Variants in FLT1 observed in about 807,000 individuals in gnomAD.
The protein encoded by FLT1 is fms related receptor tyrosine kinase 1.
Under a neutral mutation model 156.3 loss-of-function variants are expected in FLT1, and 49 were observed. That is an observed-to-expected ratio of 0.31 (90% CI 0.25 to 0.40). The LOEUF is 0.40. Among genes scored for constraint, FLT1 ranks in the 10% least tolerant of loss-of-function variants. FLT1 has a pLI of 1.00. For synonymous variants in FLT1, 594 were observed against 583.8 expected (o/e 1.02, Z -0.25); for missense variants, 1,322 against 1,637.2 (o/e 0.81, Z 3.32).
intron 1 of FLT1, among the ~76,000 whole-genome samples, chr13:28,470,892 T>C (rs1449754744): frequency 6.6e-6 from 1 of 152,168 alleles, no homozygotes; most frequent in African/African-American, 2.4e-5. Flanking sequence ...GGTTTTGCCA[T>C]GTTGGCCAGG....
At chr13:28,384,165 G>A (rs565352684) in intron 14 of FLT1, among the ~76,000 whole-genome samples, 1 of 152,276 alleles carries the variant, frequency 6.6e-6, no homozygotes, top group East Asian at 1.9e-4. Flanking sequence ...CAGACGCAGT[G>A]GCATGCGCCT....
chr13:28,472,317 A>G (rs1396030183), intron 1 of FLT1, among the ~76,000 whole-genome samples: 3 of 152,246 alleles, frequency 2.0e-5, no homozygotes, highest in African/African-American at 7.2e-5. Flanking sequence ...AACTAAATCC[A>G]AAGCCCAGAT....
At chr13:28,398,429 T>TA (rs1875197018) in intron 11 of FLT1, among the ~76,000 whole-genome samples, 1 of 152,226 alleles carries the variant, frequency 6.6e-6, no homozygotes, top group Non-Finnish European at 1.5e-5. Context: ...CTTGAGTTTC[T>TA]AAGTAATGTG....
At chr13:28,366,935 T>C (rs1394773507) in intron 14 of FLT1, among the ~76,000 whole-genome samples, 1 of 152,212 alleles carries the variant, frequency 6.6e-6, no homozygotes, top group East Asian at 1.9e-4. Flanking sequence ...TTATTCATTC[T>C]TGAGTCCCCA....
chr13:28,387,313 C>A, intron 13 of FLT1: 1 of 1,045,260 alleles, frequency 9.6e-7, no homozygotes, highest in East Asian at 5.6e-5. Flanking sequence ...TTCTAAATGA[C>A]CAATCAACCC....
chr13:28,323,017 C>A, intron 20 of FLT1, 71 bp from the exon 21 acceptor site: 1 of 1,494,540 alleles, frequency 6.7e-7, no homozygotes, highest in Non-Finnish European at 9.3e-7. Flanking sequence ...AGTCCCTCAA[C>A]TGGCAATCGC....
chr13:28,398,752 G>T (rs1875226843), intron 11 of FLT1, among the ~76,000 whole-genome samples: 1 of 152,188 alleles, frequency 6.6e-6, no homozygotes, highest in African/African-American at 2.4e-5. Context: ...GATTATCAAG[G>T]CATTGCCCAG....
At chr13:28,477,904 C>T (rs934012372) in intron 1 of FLT1, among the ~76,000 whole-genome samples, 12 of 152,192 alleles carry the variant, frequency 7.9e-5, no homozygotes, top group African/African-American at 2.7e-4. Flanking sequence ...AGAGACATGA[C>T]AACTGATTGC....
chr13:28,381,925 A>G (rs1343180167), intron 14 of FLT1, among the ~76,000 whole-genome samples: 2 of 152,216 alleles, frequency 1.3e-5, no homozygotes, highest in Non-Finnish European at 2.9e-5. Flanking sequence ...CATTCATGGA[A>G]CATTTATTTA....
At chr13:28,464,444 C>T (rs1425957500) in intron 3 of FLT1, among the ~76,000 whole-genome samples, 5 of 152,224 alleles carry the variant, frequency 3.3e-5, no homozygotes, top group African/African-American at 1.2e-4. Flanking sequence ...TCCCACTAAG[C>T]CTGGAATTTA....
intron 1 of FLT1, among the ~76,000 whole-genome samples, chr13:28,468,294 C>T (rs1201573278): frequency 6.6e-6 from 1 of 152,128 alleles, no homozygotes; most frequent in Non-Finnish European, 1.5e-5. Context: ...CACACGCTTA[C>T]GTGACATTCG....
chr13:28,409,475 C>T (rs1876012811), intron 10 of FLT1, among the ~76,000 whole-genome samples: 1 of 151,872 alleles, frequency 6.6e-6, no homozygotes, highest in Admixed American at 6.6e-5. Context: ...GCTGGGACTA[C>T]ATGTGTGTGC....
Position 28,308,909 on chromosome 13 carries a change from C to A in FLT1, c.3654G>T (p.Lys1218Asn). Residue 1218 changes from lysine to asparagine, a missense_variant, in exon 28 of 30, where the codon AAG becomes AAT. Lys to Asn is a moderately conservative substitution (Grantham distance 94, BLOSUM62 0). This residue lies in a region of FLT1 where 329 missense variants were observed against 366.2 expected (regional missense o/e 0.90). Coordinates refer to ENST00000282397, the MANE Select transcript of FLT1 (RefSeq NM_002019.4). ...SDDVRYVNAFKFMSLERIKTF... is the reference protein window; with the variant it reads ...SDDVRYVNAFNFMSLERIKTF... ...TTTTGATTCTTTCCAGGCTCATGAA[C>A]TTGAAAGCATTTACGTATCTAATGA... The A allele has an allele frequency of 6.2e-7, 1 of 1,608,036 alleles. No homozygotes were observed. The highest frequency in any genetic ancestry group is 1.1e-5 in the South Asian group (1 of 90,976).
Position 28,346,555 on chromosome 13 carries a change from T to TA in FLT1, c.2249-1005dup, listed in dbSNP as rs57802783. Among the ~76,000 whole-genome samples, 716 of 139,198 alleles carry TA rather than the reference T, an allele frequency of 5.1e-3. 5 individuals carry two copies. The highest frequency in any genetic ancestry group is 0.019 in the African/African-American group (687 of 36,272). 91.3% of individuals were successfully genotyped at this position (139,198 alleles called of 152,430 possible). A position where few individuals can be genotyped will look rare whatever the true frequency, so the allele number is the denominator to read the frequency against. ...GGCAACATAGCAAGATGCCTTCTCT[T>TA]AAAAAAAAAAAAAATGTGGTAGCAC... On this transcript the variant is annotated intron_variant, in intron 15 of 29. Coordinates refer to ENST00000282397, the MANE Select transcript of FLT1 (RefSeq NM_002019.4).
intron 14 of FLT1, among the ~76,000 whole-genome samples, chr13:28,367,421 G>C (rs532067037): frequency 6.6e-6 from 1 of 152,272 alleles, no homozygotes; most frequent in South Asian, 2.1e-4. Flanking sequence ...TTTTGACCAT[G>C]ATGGCCTAAT....
At chr13:28,412,423 C>CTCTT (rs1168186332) in intron 10 of FLT1, among the ~76,000 whole-genome samples, 1 of 50,950 alleles carries the variant, frequency 2.0e-5, no homozygotes, top group Non-Finnish European at 4.0e-5. Context: ...CTTTCTCTCT[C>CTCTT]TCTTTCTTTC....
At chr13:28,385,192 A>C (rs1874288071) in intron 13 of FLT1, among the ~76,000 whole-genome samples, 161 bp from the exon 14 acceptor site, 1 of 152,210 alleles carries the variant, frequency 6.6e-6, no homozygotes. Flanking sequence ...TGCTGCTTCT[A>C]CTTTAATAAG....
intron 25 of FLT1, among the ~76,000 whole-genome samples, chr13:28,314,925 G>A (rs1871141280): frequency 6.6e-6 from 1 of 152,228 alleles, no homozygotes; most frequent in African/African-American, 2.4e-5. Context: ...GAAGGTTTGA[G>A]AAAGTCCAAA....
chr13:28,337,484 C>T (rs772163203), intron 17 of FLT1, among the ~76,000 whole-genome samples: 1 of 152,180 alleles, frequency 6.6e-6, no homozygotes, highest in Non-Finnish European at 1.5e-5. Flanking sequence ...TCTTGGGCCT[C>T]CTTGCTCCCA....
Sources: allele counts gnomAD v4.1 joint callset (sites outside exome capture counted in the v4.1 genomes callset), GRCh38; gene constraint gnomAD v4.1.1; regional missense constraint gnomAD v4.1.1; transcripts MANE v1.5; gene names NCBI Gene and HGNC (gene_info 2026-07-23, HGNC 2026-07-21).